Variants in GALNT13 observed in about 807,000 individuals in gnomAD.
GALNT13 encodes the protein UDP-GalNAc:polypeptide N-acetylgalactosaminyltransferase 13.
A neutral mutation model predicts 64.2 loss-of-function variants in GALNT13; 28 were observed. That is an observed-to-expected ratio of 0.44 (90% CI 0.32 to 0.60). The LOEUF is 0.60. Ranked by LOEUF, GALNT13 falls within the 20% of genes least tolerant of loss-of-function variation. The probability of loss-of-function intolerance (pLI) is 0.05; values close to 1 mark genes in which losing one functional copy is unlikely to be tolerated. For missense variants in GALNT13, 577 were observed against 669.8 expected (o/e 0.86, Z 1.53); for synonymous variants, 214 against 224.6 (o/e 0.95, Z 0.42).
chr2:154,361,838 A>T lies in GALNT13; in HGVS notation c.1157-34153A>T, dbSNP rs1697087399. Among the ~76,000 whole-genome samples the T allele has an allele frequency of 2.0e-5, 3 of 152,042 alleles. No individual in the cohort carries two copies. In the South Asian group the frequency reaches 6.2e-4, roughly 31 times the overall value. On this transcript the variant is annotated intron_variant, in intron 9 of 12. Transcript: ENST00000392825. ...CCTCAGTCTTGGGCAGTGATTTCTC[A>T]TGCTTGAATTTTAGTTTTGGCTTTC...
the GALNT13 span, among the ~76,000 whole-genome samples, chr2:153,455,633 G>A: frequency 6.6e-6 from 1 of 152,108 alleles, no homozygotes; most frequent in Non-Finnish European, 1.5e-5. Context: ...ATCCGGGCAG[G>A]GTACCCACGA....
the GALNT13 span, among the ~76,000 whole-genome samples, chr2:153,266,985 T>C: frequency 6.6e-6 from 1 of 152,158 alleles, no homozygotes; most frequent in African/African-American, 2.4e-5. Context: ...CAAGATACAA[T>C]GGGAGTGTGG....
the GALNT13 span, among the ~76,000 whole-genome samples, chr2:153,137,782 C>A: frequency 2.0e-5 from 3 of 151,502 alleles, no homozygotes; most frequent in African/African-American, 7.3e-5. Context: ...CTAGGGTAAC[C>A]AACCATCTGG....
chr2:153,692,082 T>C, the GALNT13 span, among the ~76,000 whole-genome samples: 34 of 152,270 alleles, frequency 2.2e-4, no homozygotes, highest in African/African-American at 7.5e-4. Context: ...CCACACACAA[T>C]GATAGGGATG....
At chr2:153,073,137 CA>C in the GALNT13 span, among the ~76,000 whole-genome samples, 5 of 151,840 alleles carry the variant, frequency 3.3e-5, no homozygotes, top group African/African-American at 1.2e-4. Flanking sequence ...ATATGCTGTT[CA>C]AAAAAATGAG....
At chr2:154,435,213 G>T (rs1474786402) in intron 11 of GALNT13, among the ~76,000 whole-genome samples, 1 of 152,228 alleles carries the variant, frequency 6.6e-6, no homozygotes, top group African/African-American at 2.4e-5. Context: ...AAAGGAAGAA[G>T]AATAGTTTCC....
intron 3 of GALNT13, among the ~76,000 whole-genome samples, chr2:154,132,999 A>G (rs981250823): frequency 6.6e-6 from 1 of 152,196 alleles, no homozygotes; most frequent in African/African-American, 2.4e-5. Context: ...GTTACAAGCT[A>G]TGATTCACTT....
At chr2:154,407,549 T>G (rs141642438) in intron 10 of GALNT13, among the ~76,000 whole-genome samples, 1 of 152,212 alleles carries the variant, frequency 6.6e-6, no homozygotes, top group Non-Finnish European at 1.5e-5. Flanking sequence ...CCTTCTAGTG[T>G]CTGGACCACC....
chr2:154,280,689 G>A (rs1691915929), intron 8 of GALNT13, among the ~76,000 whole-genome samples: 2 of 152,144 alleles, frequency 1.3e-5, no homozygotes, highest in Non-Finnish European at 2.9e-5. Context: ...TATTGCAGCT[G>A]GGTACCCAGG....
chr2:153,236,567 C>T, the GALNT13 span, among the ~76,000 whole-genome samples: 1 of 152,026 alleles, frequency 6.6e-6, no homozygotes, highest in East Asian at 1.9e-4. Flanking sequence ...TGCATGTGCT[C>T]TATGAATGGA....
the GALNT13 span, among the ~76,000 whole-genome samples, chr2:153,701,881 A>G: frequency 6.6e-6 from 1 of 152,094 alleles, no homozygotes; most frequent in Non-Finnish European, 1.5e-5. Flanking sequence ...CACTGTTGGT[A>G]GGAATCTAAA....
chr2:154,230,777 A>G (rs1161695532), intron 4 of GALNT13, among the ~76,000 whole-genome samples: 4 of 152,110 alleles, frequency 2.6e-5, no homozygotes, highest in African/African-American at 9.7e-5. Flanking sequence ...GGATGTTCAG[A>G]GAGCCATGCA....
chr2:153,269,598 T>G, the GALNT13 span, among the ~76,000 whole-genome samples: 1 of 152,170 alleles, frequency 6.6e-6, no homozygotes, highest in African/African-American at 2.4e-5. Flanking sequence ...CCAAAGTTGC[T>G]TCCACATTTT....
At chr2:154,212,839 T>C (rs368865280) in intron 4 of GALNT13, among the ~76,000 whole-genome samples, 51 of 152,228 alleles carry the variant, frequency 3.4e-4, no homozygotes, top group African/African-American at 1.2e-3. Flanking sequence ...CAATGTTTTT[T>C]TTTTTCAGAC....
At chr2:153,366,653 G>A in the GALNT13 span, among the ~76,000 whole-genome samples, 1 of 148,184 alleles carries the variant, frequency 6.7e-6, no homozygotes, top group African/African-American at 2.5e-5. Flanking sequence ...CGAAATTAAT[G>A]ACAAGTACCA....
chr2:153,726,889 G>A, the GALNT13 span, among the ~76,000 whole-genome samples: 9 of 135,216 alleles, frequency 6.7e-5, no homozygotes, highest in Admixed American at 3.4e-4. Context: ...GCAGTGAGCC[G>A]AAATTGTGCC....
chr2:154,360,391 A>G (rs1015795922), intron 9 of GALNT13, among the ~76,000 whole-genome samples: 2 of 152,142 alleles, frequency 1.3e-5, no homozygotes, highest in African/African-American at 4.8e-5. Flanking sequence ...TTCCTGAAAT[A>G]TTAAGGGAAT....
intron 3 of GALNT13, among the ~76,000 whole-genome samples, chr2:154,034,230 A>T (rs1277002136): frequency 6.6e-6 from 1 of 152,228 alleles, no homozygotes; most frequent in African/African-American, 2.4e-5. Flanking sequence ...CATGCATTCA[A>T]CCAGTGAATG....
the GALNT13 span, among the ~76,000 whole-genome samples, chr2:153,633,008 G>A: frequency 2.0e-5 from 3 of 151,890 alleles, no homozygotes; most frequent in Admixed American, 6.6e-5. Flanking sequence ...TAATCCACCC[G>A]CTTCGGCCTC....
Sources: gnomAD v4.1 joint callset for allele counts (sites outside exome capture counted in the v4.1 genomes callset) on GRCh38, gnomAD v4.1.1 for gene constraint, MANE v1.5 for transcripts, NCBI Gene and HGNC (gene_info 2026-07-23, HGNC 2026-07-21) for gene names.